MID1: variants seen among roughly 807,000 people sequenced by gnomAD.
MID1 encodes midline 1.
MID1 carries 7 observed loss-of-function variants against 40.4 expected under a neutral mutation model. The observed-to-expected ratio is 0.17, with a 90% CI of 0.10 to 0.33. The LOEUF is 0.33. Ranked by LOEUF, MID1 falls within the 10% of genes least tolerant of loss-of-function variation. MID1 has a pLI of 1.00. For missense variants in MID1, 367 were observed against 558.5 expected, an observed-to-expected ratio of 0.66 and a Z score of 3.46; for synonymous variants, 229 against 221.2, an observed-to-expected ratio of 1.04 and a Z score of -0.31.
chrX:10,535,259 T>C (rs1419226849), intron 2 of MID1, among the ~76,000 whole-genome samples: 1 of 111,833 alleles, frequency 8.9e-6, no homozygotes, highest in Non-Finnish European at 1.9e-5. Flanking sequence ...CCAATGTGCA[T>C]CCAAGTTCGA....
At chrX:10,666,049 AGTGTT>A (rs2042948168) in intron 1 of MID1, among the ~76,000 whole-genome samples, 1 of 108,469 alleles carries the variant, frequency 9.2e-6, no homozygotes, top group South Asian at 4.0e-4. Context: ...ATGGCTGGAA[AGTGTT>A]GAGTGAAAAC....
chrX:10,796,633 T>C, intron 1 of MID1, among the ~76,000 whole-genome samples: 1 of 110,050 alleles, frequency 9.1e-6, no homozygotes, highest in Non-Finnish European at 1.9e-5. Flanking sequence ...AACTAGGCCT[T>C]GTTCAGGGTG....
intron 1 of MID1, among the ~76,000 whole-genome samples, chrX:10,788,306 G>A (rs1161088947): frequency 1.8e-5 from 2 of 111,819 alleles, no homozygotes; most frequent in African/African-American, 6.5e-5. Context: ...CTTAATTAGA[G>A]TAATCACCAG....
intron 1 of MID1, among the ~76,000 whole-genome samples, chrX:10,740,511 T>C (rs1280425568): frequency 8.9e-6 from 1 of 112,125 alleles, no homozygotes; most frequent in East Asian, 2.8e-4. Context: ...TTACAGAGCC[T>C]AATGAAAAGG....
chrX:10,794,604 G>A (rs904182381), intron 1 of MID1, among the ~76,000 whole-genome samples: 2 of 111,971 alleles, frequency 1.8e-5, no homozygotes, highest in Admixed American at 9.5e-5. Flanking sequence ...AACCAATACT[G>A]CCCAGAGCAC....
At chrX:10,611,518 A>T (rs192991633) in intron 1 of MID1, among the ~76,000 whole-genome samples, 1 of 111,652 alleles carries the variant, frequency 9.0e-6, no homozygotes, top group Admixed American at 9.5e-5. Flanking sequence ...ACTTTTTGTT[A>T]TTCAACTATG....
intron 1 of MID1, among the ~76,000 whole-genome samples, chrX:10,668,305 C>A (rs1461130439): frequency 1.8e-5 from 2 of 112,011 alleles, no homozygotes; most frequent in African/African-American, 6.5e-5. Flanking sequence ...ATACTGGTAT[C>A]TTTACAGCCC....
chrX:10,712,381 T>C (rs1421520399), intron 1 of MID1, among the ~76,000 whole-genome samples: 7 of 110,826 alleles, frequency 6.3e-5, no homozygotes, highest in Admixed American at 1.9e-4. Context: ...GTTTAATGGG[T>C]ATATGACCTT....
At chrX:10,617,490 C>A (rs1478173966) in intron 1 of MID1, among the ~76,000 whole-genome samples, 1 of 112,349 alleles carries the variant, frequency 8.9e-6, no homozygotes, top group Non-Finnish European at 1.9e-5. Flanking sequence ...AGCTACGTGA[C>A]TTACTTTGTT....
At chrX:10,528,295 T>C (rs1052884031) in intron 2 of MID1, among the ~76,000 whole-genome samples, 2 of 111,727 alleles carry the variant, frequency 1.8e-5, no homozygotes, top group African/African-American at 6.5e-5. Context: ...TGAAAACTGA[T>C]GAGATATTTT....
At chrX:10,681,292 A>T (rs1002294583) in intron 1 of MID1, among the ~76,000 whole-genome samples, 2 of 111,182 alleles carry the variant, frequency 1.8e-5, no homozygotes. Context: ...GGCTTAAAGC[A>T]AGCCATGTGT....
At chrX:10,820,131 A>G (rs1445272706) in intron 1 of MID1, among the ~76,000 whole-genome samples, 1 of 112,324 alleles carries the variant, frequency 8.9e-6, no homozygotes, top group Non-Finnish European at 1.9e-5. Flanking sequence ...ATTGACATTA[A>G]AGTGATAGTC....
At chrX:10,635,335 A>G (rs1182060850) in intron 1 of MID1, among the ~76,000 whole-genome samples, 1 of 112,372 alleles carries the variant, frequency 8.9e-6, no homozygotes, top group Non-Finnish European at 1.9e-5. Context: ...GAGGTGAAAT[A>G]CCAAACATTT....
At chrX:10,478,744 T>G (rs780213916) in intron 5 of MID1, among the ~76,000 whole-genome samples, 4 of 112,321 alleles carry the variant, frequency 3.6e-5, no homozygotes, top group Non-Finnish European at 7.5e-5. Flanking sequence ...AAGAAAAATT[T>G]ACAGTTTTGA....
intron 4 of MID1, 118 bp downstream of exon 4, chrX:10,495,466 G>T: frequency 1.7e-6 from 1 of 586,088 alleles, no homozygotes. Context: ...AGACTTAAGA[G>T]GGAATTATAG....
At chrX:10,790,382 A>AT in intron 1 of MID1, among the ~76,000 whole-genome samples, 1 of 106,968 alleles carries the variant, frequency 9.3e-6, no homozygotes, top group Non-Finnish European at 1.9e-5. Context: ...TTCCTTATCC[A>AT]TTTTCCACCC....
chrX:10,548,537 AAAAAGGG>A (rs1237438748), intron 2 of MID1, among the ~76,000 whole-genome samples: 5 of 112,427 alleles, frequency 4.4e-5, no homozygotes, highest in African/African-American at 1.3e-4. Context: ...TATTTAGATA[AAAAAGGG>A]AAGAGGTAGA....
At chrX:10,532,789 CAG>C (rs1933024242) in intron 2 of MID1, among the ~76,000 whole-genome samples, 1 of 107,363 alleles carries the variant, frequency 9.3e-6, no homozygotes, top group Non-Finnish European at 1.9e-5. Flanking sequence ...TTTTTTGAGA[CAG>C]AGTTTCACTC....
chrX:10,635,113 A>G (rs1418756204), intron 1 of MID1, among the ~76,000 whole-genome samples: 3 of 112,026 alleles, frequency 2.7e-5, no homozygotes, highest in African/African-American at 9.7e-5. Context: ...GGCTTCTGGT[A>G]CTCTCCTTAG....
Sources: allele counts gnomAD v4.1 joint callset (sites outside exome capture counted in the v4.1 genomes callset), GRCh38; gene constraint gnomAD v4.1.1; transcripts MANE v1.5; gene names NCBI Gene and HGNC (gene_info 2026-07-23, HGNC 2026-07-21).